The following AJUBA variants were observed in gnomAD, a reference collection of about 807,000 sequenced individuals.
AJUBA encodes the protein LIM domain-containing protein ajuba.
Under a neutral mutation model 53.3 loss-of-function variants are expected in AJUBA, and 20 were observed. The ratio of observed to expected loss-of-function variants is 0.38; its 90% CI spans 0.26 to 0.55. AJUBA has a LOEUF of 0.55. AJUBA is among the 20% of genes least tolerant of loss of function. The pLI is 0.80. For synonymous variants in AJUBA, 296 were observed against 306.2 expected, an observed-to-expected ratio of 0.97 and a Z score of 0.35; for missense variants, 580 against 730.5, an observed-to-expected ratio of 0.79 and a Z score of 2.38.
chr14:22,981,930 GCTCCA>G lies in AJUBA; in HGVS notation c.332_336del (p.Leu111ProfsTer11), dbSNP rs1566658177. 1 of 1,558,852 alleles carries G rather than the reference GCTCCA, an allele frequency of 6.4e-7. No homozygotes were observed. Among genetic ancestry groups the G allele is most frequent in the South Asian group, 1.2e-5 (1 of 84,650 alleles). On this transcript the variant is annotated frameshift_variant, in exon 1 of 8. Coordinates refer to ENST00000262713, the MANE Select transcript of AJUBA (RefSeq NM_032876.6). LOFTEE classifies it high-confidence loss of function. ...CGGGGGCTGAGGGCCGGGGCCGTGG[GCTCCA>G]GCCGAAAATCGGGGGGCAACGACTG...
chr14:22,980,769 C>T, intron 1 of AJUBA: 1 of 823,338 alleles, frequency 1.2e-6, no homozygotes, highest in Non-Finnish European at 1.5e-6. Flanking sequence ...GCCCCGCCCG[C>T]GGGCACCTGG....
In AJUBA at chr14:22,973,386, G is replaced by T. The variant is rs2045002653; in HGVS notation, c.*57C>A. ...TCTTTGCCTTGGCTGGCCTCAGAGGGGCCCACTGGCCACAGCAGTTTGTCT... is the reference window on the plus strand; with the variant it reads ...TCTTTGCCTTGGCTGGCCTCAGAGGTGCCCACTGGCCACAGCAGTTTGTCT... On this transcript the variant is annotated 3_prime_UTR_variant, in exon 8 of 8. Transcript: ENST00000262713. 1.3e-6 allele frequency: 2 copies of T among 1,563,346 alleles called. No homozygotes were observed. Among genetic ancestry groups the T allele is most frequent in the Non-Finnish European group, 1.7e-6 (2 of 1,153,584 alleles).
chr14:22,979,092 C>T lies in AJUBA; in HGVS notation c.1007-647G>A. 2 of 1,283,202 alleles carry T rather than the reference C, an allele frequency of 1.6e-6. No individual in the cohort carries two copies. Among genetic ancestry groups the T allele is most frequent in the Non-Finnish European group, 2.0e-6 (2 of 986,138 alleles). The allele number at this position is 1,283,202 out of a possible 1,614,324, so 79.5% of individuals were successfully genotyped here. ...GTGTGTTCCAGGAACCAGGGTTGAA[C>T]AGGAAAGCAGGGAGAGTAGCAGAGC... On this transcript the variant is annotated intron_variant, in intron 1 of 7. Transcript: ENST00000262713. The surrounding 1 kb of genome is among the most constrained non-coding windows in gnomAD (Gnocchi z 4.0).
Position 22,982,190 on chromosome 14 carries a change from C to T in AJUBA, c.77G>A (p.Gly26Glu). The change falls in exon 1 of 8, where the codon GGG (glycine) becomes GAG (glutamate). Residue 26 changes from glycine to glutamate, a missense_variant. Around this residue, in one of 2 missense-constraint regions of AJUBA, gnomAD observed 430 missense variants for 471.5 expected, o/e 0.91. Transcript: ENST00000262713. Reference protein sequence around the residue: ...GRRKGESSRSGSDGTPGPGKG... With the variant: ...GRRKGESSRSESDGTPGPGKG... ...GCCCGGCCCGGGGGTCCCGTCAGAC[C>T]CAGACCGGCTAGATTCACCCTTTCT... 1.2e-6 allele frequency: 2 copies of T among 1,613,894 alleles called. No homozygotes were observed. The highest frequency in any genetic ancestry group is 1.7e-6 in the Non-Finnish European group (2 of 1,179,892).
In AJUBA at chr14:22,981,587, C is replaced by A; in HGVS notation, c.680G>T (p.Ser227Ile). Reference protein sequence around the residue: ...QRPAGFGCQESRHSYPPALGS... With the variant: ...QRPAGFGCQEIRHSYPPALGS... ...CAGGGCCGGGGGATACGAGTGGCGG[C>A]TTTCCTGGCAGCCGAACCCCGCGGG... The change falls in exon 1 of 8, where the codon AGC (serine) becomes ATC (isoleucine). Residue 227 changes from serine (S) to isoleucine (I), a missense_variant. By Grantham distance (142) the Ser-to-Ile change is moderately radical. Transcript: ENST00000262713. 6.4e-7 allele frequency: 1 copy of A among 1,554,042 alleles called. No individual in the cohort carries two copies. The highest frequency in any genetic ancestry group is 1.9e-5 in the Admixed American group (1 of 52,426).
At chr14:22,976,434 C>T in intron 4 of AJUBA, 22 bp downstream of exon 4, 1 of 1,612,600 alleles carries the variant, frequency 6.2e-7, no homozygotes, top group African/African-American at 1.3e-5. Context: ...TGAGACTTCT[C>T]AGCTGAAAGC....
At chr14:22,980,290 G>C (rs2045074948) in intron 1 of AJUBA, among the ~76,000 whole-genome samples, 1 of 152,174 alleles carries the variant, frequency 6.6e-6, no homozygotes, top group Admixed American at 6.5e-5. Context: ...TTGACTAAAA[G>C]ATCTTTCAAG....
intron 2 of AJUBA, chr14:22,976,955 C>CAGT: frequency 7.2e-7 from 1 of 1,382,718 alleles, no homozygotes; most frequent in Non-Finnish European, 9.3e-7. Flanking sequence ...GCCTCCTTAA[C>CAGT]AGTTTTCTAG....
Position 22,976,424 on chromosome 14 carries a change from T to C in AJUBA, c.1239+32A>G, listed in dbSNP as rs372729466. ...CTGATCCCGCTCCTCAGCCTCACAG[T>C]GAGACTTCTCAGCTGAAAGCACTTT... On this transcript the variant is annotated intron_variant, in intron 4 of 7. Coordinates refer to ENST00000262713, the MANE Select transcript of AJUBA (RefSeq NM_032876.6). 392 of 1,609,726 alleles carry C rather than the reference T, an allele frequency of 2.4e-4. 2 individuals are homozygous for C. In the African/African-American group the frequency reaches 4.4e-3, roughly 18 times the overall value.
rs755857152 is a variant in AJUBA at position 22,975,182 on chromosome 14, C to T, written c.1240-78G>A. 5.8e-6 allele frequency: 9 copies of T among 1,543,960 alleles called. No individual in the cohort carries two copies. The South Asian group carries it at 7.1e-5, about 12-fold the overall frequency. The stretch of plus-strand genomic sequence containing the variant: ...GCTGCCCATTATGCTCCTTATTACT[C>T]CCATTAACCTCATCCAACCCGCTGC... On this transcript the variant is annotated intron_variant, in intron 4 of 7. Coordinates refer to ENST00000262713, the MANE Select transcript of AJUBA (RefSeq NM_032876.6).
At chr14:22,978,899 G>C in intron 1 of AJUBA, 1 of 1,287,004 alleles carries the variant, frequency 7.8e-7, no homozygotes, top group Non-Finnish European at 1.0e-6. Flanking sequence ...AATCGTCTCT[G>C]GGACTTCAGT....
At chr14:22,978,157 A>G (rs1873416927) in intron 2 of AJUBA, among the ~76,000 whole-genome samples, 187 bp downstream of exon 2, 1 of 152,168 alleles carries the variant, frequency 6.6e-6, no homozygotes, top group Non-Finnish European at 1.5e-5. Context: ...AGGGAGAGCC[A>G]AGTAGAGGAC....
intron 4 of AJUBA, 73 bp downstream of exon 4, chr14:22,976,383 A>C: frequency 6.9e-7 from 1 of 1,449,634 alleles, no homozygotes; most frequent in Non-Finnish European, 9.7e-7. Context: ...ACCTTCTCTC[A>C]ATATCCATTT....
chr14:22,980,676 C>A (rs2045078391), intron 1 of AJUBA: 3 of 985,324 alleles, frequency 3.0e-6, no homozygotes, highest in Non-Finnish European at 3.6e-6. Context: ...GCTCCATTTC[C>A]CCGACAGCCG....
At chr14:22,977,869 C>T (rs1291548793) in intron 2 of AJUBA, 4 of 154,714 alleles carry the variant, frequency 2.6e-5, no homozygotes, top group African/African-American at 4.8e-5. Flanking sequence ...TGGCATGGCC[C>T]GGTGGCCTGC....
intron 4 of AJUBA, 179 bp from the exon 5 acceptor site, chr14:22,975,283 G>T: frequency 1.3e-6 from 1 of 785,466 alleles, no homozygotes; most frequent in Non-Finnish European, 1.9e-6. Flanking sequence ...AAAAGTGCCT[G>T]AGAGAGCATT....
In AJUBA at chr14:22,972,727, A is replaced by C. The variant is rs1202760676; in HGVS notation, c.*716T>G. The C allele has an allele frequency of 6.6e-6, 1 of 152,562 alleles. No homozygotes were observed. The highest frequency in any genetic ancestry group is 1.5e-5 in the Non-Finnish European group (1 of 68,100). The allele number at this position is 152,562 out of a possible 1,614,324, so 9.5% of individuals were successfully genotyped here. On this transcript the variant is annotated 3_prime_UTR_variant, in exon 8 of 8. Transcript: ENST00000262713. ...AGTTTCTACCTCTTCATCCAGATAT[A>C]GGTGCGGGACCCCATATCTGACACC...
At chr14:22,978,476 C>T (rs2045058673) in intron 1 of AJUBA, 31 bp from the exon 2 acceptor site, 4 of 1,594,372 alleles carry the variant, frequency 2.5e-6, no homozygotes, top group Admixed American at 1.7e-5. Context: ...CACTCTACTC[C>T]CCCAGGTCAA....
rs990862066 is a variant in AJUBA at position 22,971,196 on chromosome 14, G to A, written c.*2247C>T. 1 of 151,900 alleles carries A rather than the reference G, an allele frequency of 6.6e-6. No individual in the cohort carries two copies. The highest frequency in any genetic ancestry group is 2.4e-5 in the African/African-American group (1 of 41,328). 9.4% of individuals were successfully genotyped at this position (151,900 alleles called of 1,614,324 possible). A position where few individuals can be genotyped will look rare whatever the true frequency, so the allele number is the denominator to read the frequency against. ...AGCTTGTCTGGATTTCCCATCATAG[G>A]GCCTTTGTATTCACTTATTTAATAA... On this transcript the variant is annotated 3_prime_UTR_variant, in exon 8 of 8. Transcript: ENST00000262713.
Sources: allele counts gnomAD v4.1 joint callset (sites outside exome capture counted in the v4.1 genomes callset), GRCh38; gene constraint gnomAD v4.1.1; regional missense constraint gnomAD v4.1.1; non-coding constraint Gnocchi (gnomAD v3.1); transcripts MANE v1.5; gene names NCBI Gene and HGNC (gene_info 2026-07-23, HGNC 2026-07-21).